TRIM44: variants seen among roughly 807,000 people sequenced by gnomAD.
The protein encoded by TRIM44 is tripartite motif containing 44, also known as tripartite motif-containing protein 44.
TRIM44 carries 13 observed loss-of-function variants against 37.4 expected under a neutral mutation model. The ratio of observed to expected loss-of-function variants is 0.35; its 90% CI spans 0.23 to 0.55. The LOEUF is 0.55. Ranked by LOEUF, TRIM44 falls within the 20% of genes least tolerant of loss-of-function variation. The pLI, the probability that TRIM44 is intolerant of heterozygous loss-of-function variation, is 0.89. For missense variants in TRIM44, 426 were observed against 437.2 expected (o/e 0.97, Z 0.23); for synonymous variants, 175 against 157.2 (o/e 1.11, Z -0.85).
chr11:35,727,247 A>T (rs2135516681), intron 3 of TRIM44, among the ~76,000 whole-genome samples: 1 of 152,286 alleles, frequency 6.6e-6, no homozygotes, highest in African/African-American at 2.4e-5. Context: ...ATTCTAGTGA[A>T]GGTAATGCCA....
chr11:35,683,561 A>G (rs540589838), intron 1 of TRIM44, among the ~76,000 whole-genome samples: 3 of 152,244 alleles, frequency 2.0e-5, no homozygotes, highest in African/African-American at 7.2e-5. Context: ...TGAGTAAGAG[A>G]TATTTGCAGT....
At chr11:35,763,107 C>T (rs938269166) in intron 4 of TRIM44, among the ~76,000 whole-genome samples, 3 of 152,180 alleles carry the variant, frequency 2.0e-5, no homozygotes, top group South Asian at 4.1e-4. Context: ...GCTCCCTTCT[C>T]CTTTATTCTA....
chr11:35,664,571 T>TTAG (rs1463233485), intron 1 of TRIM44, among the ~76,000 whole-genome samples: 2 of 152,184 alleles, frequency 1.3e-5, no homozygotes, highest in Non-Finnish European at 2.9e-5. Flanking sequence ...GTAATCTGTA[T>TTAG]TAGTGAACAT....
Position 35,817,872 on chromosome 11 carries a change from A to C in TRIM44, c.*11487A>C, listed in dbSNP as rs1157574454. The C allele has an allele frequency of 6.6e-6, 1 of 151,990 alleles. No individual in the cohort carries two copies. Among genetic ancestry groups the C allele is most frequent in the East Asian group, 1.9e-4 (1 of 5,186 alleles). 9.4% of individuals were successfully genotyped at this position (151,990 alleles called of 1,614,324 possible). ...ACCTTCCTTCTGCTCTGGCCATGTA[A>C]AGTGCTCACTCCCCCTTTGCCTTCC... On this transcript the variant is annotated 3_prime_UTR_variant, in exon 5 of 5. Coordinates refer to ENST00000299413, the MANE Select transcript of TRIM44 (RefSeq NM_017583.6).
chr11:35,723,325 T>C (rs992313736), intron 2 of TRIM44, among the ~76,000 whole-genome samples: 1 of 152,312 alleles, frequency 6.6e-6, no homozygotes, highest in Admixed American at 6.5e-5. Flanking sequence ...GTCAAAATTT[T>C]CAAATTGCAG....
intron 4 of TRIM44, among the ~76,000 whole-genome samples, chr11:35,777,014 A>G (rs1852976868): frequency 1.3e-5 from 2 of 152,068 alleles, no homozygotes; most frequent in Admixed American, 6.6e-5. Flanking sequence ...TATCCTTGTT[A>G]ACCTTCTGTC....
Position 35,711,156 on chromosome 11 carries a change from C to T in TRIM44, c.748-14768C>T, listed in dbSNP as rs574203325. 1.4e-4 allele frequency among the ~76,000 whole-genome samples: 21 copies of T among 152,258 alleles called. No homozygotes were observed. The Middle Eastern group carries it at 0.01, about 74-fold the overall frequency. On this transcript the variant is annotated intron_variant, in intron 2 of 4. Transcript: ENST00000299413. ...AACTCTGGGAATATACTACAAACCA[C>T]AAAATTGTATACTTTAAATGGGTAA...
At chr11:35,699,896 C>A (rs138325304) in intron 2 of TRIM44, among the ~76,000 whole-genome samples, 1 of 151,872 alleles carries the variant, frequency 6.6e-6, no homozygotes, top group African/African-American at 2.4e-5. Flanking sequence ...TTACAAGGGA[C>A]GTGAAGGAGC....
intron 4 of TRIM44, among the ~76,000 whole-genome samples, chr11:35,781,836 C>A (rs1853069531): frequency 6.6e-6 from 1 of 152,152 alleles, no homozygotes; most frequent in Admixed American, 6.5e-5. Context: ...CTGCCTAGAC[C>A]TATGCTTTTC....
intron 2 of TRIM44, among the ~76,000 whole-genome samples, chr11:35,694,353 G>A (rs924477553): frequency 2.6e-5 from 4 of 152,098 alleles, no homozygotes; most frequent in African/African-American, 7.2e-5. Flanking sequence ...AATTCATGAT[G>A]TGAATTAAGA....
At chr11:35,749,707 G>A (rs1347869968) in intron 4 of TRIM44, among the ~76,000 whole-genome samples, 1 of 152,134 alleles carries the variant, frequency 6.6e-6, no homozygotes, top group Non-Finnish European at 1.5e-5. Flanking sequence ...GAGCAGTAGA[G>A]GTTGATAATC....
intron 2 of TRIM44, among the ~76,000 whole-genome samples, chr11:35,720,769 C>G (rs1336164314): frequency 6.6e-6 from 1 of 151,978 alleles, no homozygotes; most frequent in African/African-American, 2.4e-5. Flanking sequence ...TGAGTTTTGT[C>G]AGGTGATTTT....
chr11:35,679,010 A>G (rs1851495706), intron 1 of TRIM44, among the ~76,000 whole-genome samples: 1 of 150,992 alleles, frequency 6.6e-6, no homozygotes, highest in South Asian at 2.1e-4. Flanking sequence ...TTTTAGAAGA[A>G]TGATATCAAC....
chr11:35,675,464 A>C (rs1256100874), intron 1 of TRIM44, among the ~76,000 whole-genome samples: 1 of 152,158 alleles, frequency 6.6e-6, no homozygotes, highest in Non-Finnish European at 1.5e-5. Flanking sequence ...TGACATCCTT[A>C]CTGTGTCATG....
At position 35,812,827 on chromosome 11, in the gene TRIM44, G is replaced by C. The variant is rs1229942223; in HGVS notation, c.*6442G>C. The C allele has an allele frequency of 7.0e-6, 1 of 141,972 alleles. No homozygotes were observed. Among genetic ancestry groups the C allele is most frequent in the Non-Finnish European group, 1.6e-5 (1 of 61,262 alleles). 8.8% of individuals were successfully genotyped at this position (141,972 alleles called of 1,614,324 possible). ...GTACAGTGAGGGAAAGAAAGTCTAA[G>C]GGTAGCAGTCAAATCTTCTGGCCTG... On this transcript the variant is annotated 3_prime_UTR_variant, in exon 5 of 5. Coordinates refer to ENST00000299413, the MANE Select transcript of TRIM44 (RefSeq NM_017583.6).
At chr11:35,680,744 C>T (rs1851512857) in intron 1 of TRIM44, among the ~76,000 whole-genome samples, 1 of 152,182 alleles carries the variant, frequency 6.6e-6, no homozygotes, top group Non-Finnish European at 1.5e-5. Flanking sequence ...TATCCATCAA[C>T]AACATATGGA....
At chr11:35,750,269 T>C (rs1348881870) in intron 4 of TRIM44, among the ~76,000 whole-genome samples, 2 of 152,184 alleles carry the variant, frequency 1.3e-5, no homozygotes, top group Admixed American at 1.3e-4. Flanking sequence ...GTGAATGGTC[T>C]CTCCTCCACA....
intron 1 of TRIM44, among the ~76,000 whole-genome samples, chr11:35,679,322 C>T (rs766181535): frequency 3.3e-5 from 5 of 152,122 alleles, no homozygotes; most frequent in African/African-American, 4.8e-5. Context: ...TTGCTTCTAC[C>T]CTTTACCCAT....
intron 2 of TRIM44, among the ~76,000 whole-genome samples, chr11:35,709,790 A>G (rs1047955829): frequency 6.6e-6 from 1 of 152,210 alleles, no homozygotes; most frequent in Non-Finnish European, 1.5e-5. Flanking sequence ...TAGAAGCTAT[A>G]CTTCAGACCC....
Sources: gnomAD v4.1 joint callset for allele counts (sites outside exome capture counted in the v4.1 genomes callset) on GRCh38, gnomAD v4.1.1 for gene constraint, MANE v1.5 for transcripts, NCBI Gene and HGNC (gene_info 2026-07-23, HGNC 2026-07-21) for gene names.